Variants in DTD1 observed in about 807,000 individuals in gnomAD.
The protein encoded by DTD1 is D-aminoacyl-tRNA deacylase 1.
A neutral mutation model predicts 25.6 loss-of-function variants in DTD1; 13 were observed. The observed-to-expected ratio is 0.51, with a 90% confidence interval of 0.33 to 0.81. The LOEUF (loss-of-function observed/expected upper bound fraction) is 0.81. Among genes scored for constraint, DTD1 ranks in the 30% least tolerant of loss-of-function variants. The pLI is 0.02. For synonymous variants in DTD1, 110 were observed against 103.6 expected, an observed-to-expected ratio of 1.06 and a Z score of -0.37; for missense variants, 193 against 266.4, an observed-to-expected ratio of 0.72 and a Z score of 1.92.
At chr20:18,667,849 C>T (rs1402870895) in intron 4 of DTD1, among the ~76,000 whole-genome samples, 7 of 152,188 alleles carry the variant, frequency 4.6e-5, no homozygotes, top group Non-Finnish European at 2.9e-5. Context: ...CTATCTCTGG[C>T]ACCTGGCACA....
intron 4 of DTD1, among the ~76,000 whole-genome samples, chr20:18,639,170 T>G (rs962542452): frequency 3.1e-5 from 2 of 65,266 alleles, no homozygotes; most frequent in East Asian, 2.7e-4. Context: ...TGTTTGATGG[T>G]TTTTTTTTTA....
intron 4 of DTD1, among the ~76,000 whole-genome samples, chr20:18,670,397 G>T (rs938590977): frequency 6.6e-6 from 1 of 152,100 alleles, no homozygotes; most frequent in Non-Finnish European, 1.5e-5. Flanking sequence ...CGGAGGTTGC[G>T]GTGAGCCAAG....
chr20:18,615,779 A>G (rs1438476871), intron 3 of DTD1, among the ~76,000 whole-genome samples: 1 of 152,172 alleles, frequency 6.6e-6, no homozygotes, highest in East Asian at 1.9e-4. Context: ...AGCTAGAGAA[A>G]TGTGGACAGA....
intron 1 of DTD1, among the ~76,000 whole-genome samples, chr20:18,590,174 C>T (rs6045485): frequency 0.59 from 90,257 of 151,946 alleles, 27,122 homozygotes; most frequent in Middle Eastern, 0.66. Flanking sequence ...TAAATTTATG[C>T]ATTTATGGTT....
rs767223790 is a variant in DTD1 at position 18,763,904 on chromosome 20, T to C, written c.*564T>C. 1 of 152,272 alleles carries C rather than the reference T, an allele frequency of 6.6e-6. No individual in the cohort carries two copies. Among genetic ancestry groups the C allele is most frequent in the Non-Finnish European group, 1.5e-5 (1 of 68,052 alleles). The allele number at this position is 152,272 out of a possible 1,614,324, so 9.4% of individuals were successfully genotyped here. A position where few individuals can be genotyped will look rare whatever the true frequency, so the allele number is the denominator to read the frequency against. Reference sequence around the variant, plus strand: ...AATCCTAAATCTCAACAAACCACTTTATTATCAAACAAATTCTGCTCTGTT... The same window carrying C: ...AATCCTAAATCTCAACAAACCACTTCATTATCAAACAAATTCTGCTCTGTT... On this transcript the variant is annotated 3_prime_UTR_variant, in exon 6 of 6. Coordinates refer to ENST00000377452, the MANE Select transcript of DTD1 (RefSeq NM_080820.6).
intron 3 of DTD1, among the ~76,000 whole-genome samples, chr20:18,610,813 G>A (rs892218240): frequency 1.5e-5 from 2 of 134,520 alleles, no homozygotes; most frequent in African/African-American, 5.2e-5. Flanking sequence ...TCAGGAGGCT[G>A]AGGTGGGAGG....
At chr20:18,740,221 G>C (rs1251346404) in intron 4 of DTD1, among the ~76,000 whole-genome samples, 2 of 150,516 alleles carry the variant, frequency 1.3e-5, no homozygotes, top group East Asian at 3.9e-4. Context: ...TGAAGAACAG[G>C]CTGGGTCACA....
chr20:18,611,400 G>A lies in DTD1; in HGVS notation c.370+15159G>A, dbSNP rs148848761. On this transcript the variant is annotated intron_variant, in intron 3 of 5. Transcript: ENST00000377452. ...CTGTGAGCCCAAGGGATGTTGGAAT[G>A]CAGATGAAATGCTAAATACATTTTC... is the stretch of plus-strand genomic sequence containing the variant. Among the ~76,000 whole-genome samples the A allele has an allele frequency of 2.2e-4, 34 of 152,336 alleles. No individual in the cohort carries two copies. In the East Asian group the frequency reaches 6.6e-3, roughly 29 times the overall value.
intron 5 of DTD1, among the ~76,000 whole-genome samples, chr20:18,753,216 G>A (rs2061327089): frequency 6.6e-6 from 1 of 152,196 alleles, no homozygotes; most frequent in Admixed American, 6.5e-5. Flanking sequence ...GCTAGTGGCT[G>A]CTATTCTATC....
chr20:18,641,458 G>C (rs1057030708), intron 4 of DTD1, among the ~76,000 whole-genome samples: 7 of 151,984 alleles, frequency 4.6e-5, no homozygotes. Flanking sequence ...ATTCCTACCG[G>C]CAATGCTCAA....
chr20:18,746,132 G>A lies in DTD1; in HGVS notation c.*19+1861G>A, dbSNP rs577581038. On this transcript the variant is annotated intron_variant, in intron 5 of 5. Transcript: ENST00000377452. ...CTATTTTGGGTGTGTTGTGTTTGAG[G>A]TGCCTGTTGGCAGCCAATGGTGATG... 1.0e-3 allele frequency among the ~76,000 whole-genome samples: 157 copies of A among 152,274 alleles called. 1 individual carries two copies. The highest frequency in any genetic ancestry group is 3.4e-3 in the African/African-American group (140 of 41,552).
At position 18,661,613 on chromosome 20, in the gene DTD1, T is replaced by C. The variant is rs534514191; in HGVS notation, c.477+33380T>C. 3.6e-3 allele frequency among the ~76,000 whole-genome samples: 553 copies of C among 152,278 alleles called. 4 individuals carry two copies. The highest frequency in any genetic ancestry group is 0.012 in the African/African-American group (486 of 41,564). ...GTTTTGATCTCCTGACCTCGTGATC[T>C]GCCCGCCTTGGCCTCCCAAAGTGCT... On this transcript the variant is annotated intron_variant, in intron 4 of 5. Transcript: ENST00000377452.
At chr20:18,746,046 T>A (rs2061298569) in intron 5 of DTD1, among the ~76,000 whole-genome samples, 1 of 152,044 alleles carries the variant, frequency 6.6e-6, no homozygotes, top group African/African-American at 2.4e-5. Context: ...GGTGACTGAT[T>A]AGATTGGAAG....
Position 18,749,731 on chromosome 20 carries a change from G to A in DTD1, c.*19+5460G>A, listed in dbSNP as rs1375929184. On this transcript the variant is annotated intron_variant, in intron 5 of 5. Transcript: ENST00000377452. The surrounding 1 kb of genome is among the most constrained non-coding windows in gnomAD (Gnocchi z 4.2). ...TCAGTGGTGCAGTGTCAGGGCCCAGGTGCTGAGCTGCACCAACCACCCTGC... is the reference window on the plus strand; with the variant it reads ...TCAGTGGTGCAGTGTCAGGGCCCAGATGCTGAGCTGCACCAACCACCCTGC... Among the ~76,000 whole-genome samples, 1 of 152,168 alleles carries A rather than the reference G, an allele frequency of 6.6e-6. No homozygotes were observed. The highest frequency in any genetic ancestry group is 1.5e-5 in the Non-Finnish European group (1 of 68,030).
intron 4 of DTD1, among the ~76,000 whole-genome samples, chr20:18,639,794 T>C (rs1044621265): frequency 3.9e-5 from 6 of 152,218 alleles, no homozygotes; most frequent in East Asian, 3.8e-4. Context: ...TTCTTTGTAA[T>C]GGAAAGATCT....
At chr20:18,761,246 G>C (rs112582605) in intron 5 of DTD1, among the ~76,000 whole-genome samples, 5 of 152,168 alleles carry the variant, frequency 3.3e-5, no homozygotes, top group African/African-American at 1.2e-4. Context: ...CCACTGTCCA[G>C]CAATCCCCAG....
chr20:18,695,560 T>C (rs60595952), intron 4 of DTD1, among the ~76,000 whole-genome samples: 13 of 11,758 alleles, frequency 1.1e-3, no homozygotes, highest in East Asian at 4.7e-3. Flanking sequence ...CCTTCCCTTC[T>C]CTTCCCCTCC....
chr20:18,702,778 A>C (rs1289344685), intron 4 of DTD1, among the ~76,000 whole-genome samples: 1 of 151,142 alleles, frequency 6.6e-6, no homozygotes, highest in Non-Finnish European at 1.5e-5. Flanking sequence ...TGTCTACAAA[A>C]ATTTTAAAAG....
intron 4 of DTD1, among the ~76,000 whole-genome samples, chr20:18,684,908 CT>C (rs1221835754): frequency 2.7e-3 from 382 of 140,830 alleles, no homozygotes; most frequent in Non-Finnish European, 2.8e-3. Flanking sequence ...TGTTTTTTTG[CT>C]TTTTTTTTTT....
Sources: allele counts gnomAD v4.1 joint callset (sites outside exome capture counted in the v4.1 genomes callset), GRCh38; gene constraint gnomAD v4.1.1; non-coding constraint Gnocchi (gnomAD v3.1); transcripts MANE v1.5; gene names NCBI Gene and HGNC (gene_info 2026-07-23, HGNC 2026-07-21).